Variants in CDH13 observed in about 807,000 individuals in gnomAD.
CDH13 encodes the protein cadherin 13, also known as cadherin-13.
In CDH13, 24 loss-of-function variants were observed where a neutral mutation model predicts 63.8. The ratio of observed to expected loss-of-function variants is 0.38; its 90% confidence interval spans 0.27 to 0.53. The LOEUF is 0.53. Among genes scored for constraint, CDH13 ranks in the 20% least tolerant of loss-of-function variants. CDH13 has a pLI of 0.85. For missense variants in CDH13, 1,049 were observed against 903.1 expected (o/e 1.16, Z -2.07); for synonymous variants, 503 against 355.3 (o/e 1.42, Z -4.67).
intron 3 of CDH13, among the ~76,000 whole-genome samples, chr16:83,065,354 G>A (rs570597726): frequency 6.6e-6 from 1 of 152,268 alleles, no homozygotes; most frequent in South Asian, 2.1e-4. Flanking sequence ...ACAAAGATGG[G>A]TAAGATGGGA....
At chr16:83,666,836 T>TACAC (rs762579073) in intron 8 of CDH13, among the ~76,000 whole-genome samples, 3 of 121,978 alleles carry the variant, frequency 2.5e-5, no homozygotes, top group African/African-American at 9.0e-5. Flanking sequence ...CACACACACA[T>TACAC]ACACACACAC....
rs138810484 is a variant in CDH13, at chr16:82,889,535, C to A, written c.157+31062C>A. The stretch of plus-strand genomic sequence containing the variant: ...GAGTGATGGTCTATAAATTTAGGAT[C>A]TTATTAACAGCCAAAGCAAAGAGTA... On this transcript the variant is annotated intron_variant, in intron 2 of 13. Coordinates refer to ENST00000567109, the MANE Select transcript of CDH13 (RefSeq NM_001257.5). Among the ~76,000 whole-genome samples the A allele has an allele frequency of 5.9e-5, 9 of 152,342 alleles. No homozygotes were observed. The South Asian group carries it at 1.2e-3, about 21-fold the overall frequency.
rs1242219629 is a variant in CDH13 at position 83,047,575 on chromosome 16, AG to A, written c.366+15358del. On this transcript the variant is annotated intron_variant, in intron 3 of 13. Transcript: ENST00000567109. The surrounding 1 kb of genome is among the most constrained non-coding windows in gnomAD (Gnocchi z 4.9). Reference sequence around the variant, plus strand: ...ATTTTTAAAATACAAACAGAAAAAAAGCTCCCTGTATTTTCCCAAATTCTGC... The same window carrying A: ...ATTTTTAAAATACAAACAGAAAAAAACTCCCTGTATTTTCCCAAATTCTGC... 6.6e-6 allele frequency among the ~76,000 whole-genome samples: 1 copy of A among 152,222 alleles called. No homozygotes were observed. The highest frequency in any genetic ancestry group is 1.5e-5 in the Non-Finnish European group (1 of 68,052).
intron 11 of CDH13, among the ~76,000 whole-genome samples, chr16:83,772,579 AC>A: frequency 6.6e-6 from 1 of 152,352 alleles, no homozygotes; most frequent in East Asian, 1.9e-4. Context: ...AAAACACTTC[AC>A]AGGGCCTTGT....
At chr16:82,888,994 G>T (rs1272656775) in intron 2 of CDH13, among the ~76,000 whole-genome samples, 6 of 152,144 alleles carry the variant, frequency 3.9e-5, no homozygotes, top group African/African-American at 1.4e-4. Flanking sequence ...TGAACTAACA[G>T]TTTGCCTTAT....
At chr16:83,717,320 T>C (rs1416371769) in intron 10 of CDH13, among the ~76,000 whole-genome samples, 1 of 152,118 alleles carries the variant, frequency 6.6e-6, no homozygotes, top group African/African-American at 2.4e-5. Flanking sequence ...TTTACTATAA[T>C]CCCCTAATCT....
intron 2 of CDH13, among the ~76,000 whole-genome samples, chr16:83,002,509 A>C (rs544842173): frequency 6.6e-6 from 1 of 152,246 alleles, no homozygotes; most frequent in African/African-American, 2.4e-5. Flanking sequence ...ATAGTTTGTT[A>C]TAGCAGCCAC....
chr16:83,503,779 A>G (rs141076484), intron 7 of CDH13, among the ~76,000 whole-genome samples: 130 of 152,190 alleles, frequency 8.5e-4, no homozygotes, highest in African/African-American at 2.5e-3. Flanking sequence ...TTCCTTGTAA[A>G]TTCTAGATAT....
At chr16:83,352,331 G>A (rs560470427) in intron 6 of CDH13, among the ~76,000 whole-genome samples, 59 of 152,240 alleles carry the variant, frequency 3.9e-4, no homozygotes, top group African/African-American at 1.3e-3. Flanking sequence ...CCACCTAGTC[G>A]TTCAAGAGGA....
intron 8 of CDH13, among the ~76,000 whole-genome samples, chr16:83,604,882 G>A (rs9934660): frequency 0.072 from 10,903 of 152,104 alleles, 1,092 homozygotes; most frequent in African/African-American, 0.22. Flanking sequence ...AGGAAAAAAA[G>A]AAATCTTTGC....
At chr16:83,007,529 C>T (rs1026097684) in intron 2 of CDH13, among the ~76,000 whole-genome samples, 20 of 152,072 alleles carry the variant, frequency 1.3e-4, no homozygotes, top group African/African-American at 2.7e-4. Flanking sequence ...AAAAATACCT[C>T]GTAAGAAAAA....
intron 3 of CDH13, among the ~76,000 whole-genome samples, chr16:83,123,988 C>G (rs1400717051): frequency 6.6e-6 from 1 of 152,094 alleles, no homozygotes; most frequent in Non-Finnish European, 1.5e-5. Context: ...TGTCTGTTGG[C>G]CCGTCGTACG....
At chr16:83,109,871 T>A (rs1397987146) in intron 3 of CDH13, among the ~76,000 whole-genome samples, 2 of 152,246 alleles carry the variant, frequency 1.3e-5, no homozygotes, top group Non-Finnish European at 2.9e-5. Flanking sequence ...TAAACATGTT[T>A]AAAACATTTT....
rs1381215752 is a variant in CDH13 at position 83,271,431 on chromosome 16, A to T, written c.636+53934A>T. On this transcript the variant is annotated intron_variant, in intron 5 of 13. Transcript: ENST00000567109. ...ATTGAGGCAGAGTTCATAAAAAAAA[A>T]AAAAAAAAAAAAAAAAAAAAATTCA... 9.4e-5 allele frequency among the ~76,000 whole-genome samples: 12 copies of T among 127,318 alleles called. 2 individuals carry two copies. Among genetic ancestry groups the T allele is most frequent in the East Asian group, 2.3e-4 (1 of 4,296 alleles). The allele number at this position is 127,318 out of a possible 152,430, so 83.5% of individuals were successfully genotyped here.
At chr16:82,942,519 C>T (rs1904301955) in intron 2 of CDH13, among the ~76,000 whole-genome samples, 1 of 152,154 alleles carries the variant, frequency 6.6e-6, no homozygotes. Flanking sequence ...TCAGAGTTGG[C>T]TTTCTGAGCG....
chr16:83,549,126 C>T (rs895504939), intron 7 of CDH13, among the ~76,000 whole-genome samples: 2 of 152,126 alleles, frequency 1.3e-5, no homozygotes, highest in African/African-American at 2.4e-5. Flanking sequence ...CGCTGAATCT[C>T]GGTTCACATG....
chr16:83,634,053 G>A (rs912608353), intron 8 of CDH13, among the ~76,000 whole-genome samples: 1 of 151,964 alleles, frequency 6.6e-6, no homozygotes, highest in Non-Finnish European at 1.5e-5. Context: ...AGAGCAGGAA[G>A]TTCATGTGGG....
At chr16:83,429,692 G>C (rs2072033722) in intron 6 of CDH13, among the ~76,000 whole-genome samples, 1 of 152,202 alleles carries the variant, frequency 6.6e-6, no homozygotes, top group African/African-American at 2.4e-5. Flanking sequence ...CTCTGCTTCT[G>C]TAACTTGGCA....
At chr16:82,984,646 C>G (rs993235941) in intron 2 of CDH13, among the ~76,000 whole-genome samples, 2 of 152,178 alleles carry the variant, frequency 1.3e-5, no homozygotes, top group South Asian at 2.1e-4. Context: ...GAAGGTTCAG[C>G]TATGATTCCC....
Sources: allele counts gnomAD v4.1 joint callset (sites outside exome capture counted in the v4.1 genomes callset), GRCh38; gene constraint gnomAD v4.1.1; non-coding constraint Gnocchi (gnomAD v3.1); transcripts MANE v1.5; gene names NCBI Gene and HGNC (gene_info 2026-07-23, HGNC 2026-07-21).